The following SEMA3A variants were observed in gnomAD, a reference collection of about 807,000 sequenced individuals.
The protein encoded by SEMA3A is semaphorin-3A.
A neutral mutation model predicts 97.9 loss-of-function variants in SEMA3A; 29 were observed. That is an observed-to-expected ratio of 0.30 (90% confidence interval 0.22 to 0.40). SEMA3A has a LOEUF of 0.40. Ranked by LOEUF, SEMA3A falls within the 10% of genes least tolerant of loss-of-function variation. The probability of loss-of-function intolerance (pLI) is 1.00; values close to 1 mark genes in which losing one functional copy is unlikely to be tolerated. For missense variants in SEMA3A, 763 were observed against 951.3 expected (o/e 0.80, Z 2.60); for synonymous variants, 321 against 323.7 (o/e 0.99, Z 0.09).
intron 1 of SEMA3A, among the ~76,000 whole-genome samples, chr7:84,170,674 T>C (rs892389907): frequency 1.3e-5 from 2 of 152,022 alleles, no homozygotes; most frequent in Non-Finnish European, 2.9e-5. Flanking sequence ...TCTCTGAGAA[T>C]GTTTTCAGAT....
intron 3 of SEMA3A, among the ~76,000 whole-genome samples, chr7:84,128,575 C>T (rs1376601717): frequency 6.6e-6 from 1 of 152,106 alleles, no homozygotes; most frequent in Admixed American, 6.6e-5. Flanking sequence ...TTTTTACATA[C>T]ATTCTATACA....
Position 84,046,377 on chromosome 7 carries a change from A to G in SEMA3A, c.614T>C (p.Leu205Pro). The G allele has an allele frequency of 6.2e-7, 1 of 1,613,290 alleles. No individual in the cohort carries two copies. Among genetic ancestry groups the G allele is most frequent in the Non-Finnish European group, 8.5e-7 (1 of 1,179,442 alleles). The change falls in exon 6 of 17, where the codon CTT becomes CCT. Residue 205 changes from leucine to proline, a missense_variant. Coordinates refer to ENST00000265362, the MANE Select transcript of SEMA3A (RefSeq NM_006080.3). ...TGTCCTGATTGGGTGGTGGTGCCCA[A>G]GAGTTCGGAAGATAGCAAAGTCTCG... ...MGRDFAIFRTLGHHHPIRTEQ... is the reference protein window; with the variant it reads ...MGRDFAIFRTPGHHHPIRTEQ...
intron 3 of SEMA3A, among the ~76,000 whole-genome samples, chr7:84,113,761 G>T (rs1388151533): frequency 6.6e-6 from 1 of 152,090 alleles, no homozygotes; most frequent in Admixed American, 6.6e-5. Flanking sequence ...TTATTTTACT[G>T]AAATGTTCCC....
At chr7:84,421,588 T>C (rs933424857) in intron 1 of SEMA3A, among the ~76,000 whole-genome samples, 1 of 152,122 alleles carries the variant, frequency 6.6e-6, no homozygotes, top group Non-Finnish European at 1.5e-5. Flanking sequence ...CATCGTTGTC[T>C]TGTGCTGGGT....
intron 1 of SEMA3A, among the ~76,000 whole-genome samples, chr7:84,407,089 T>C (rs1335617469): frequency 5.3e-5 from 8 of 152,080 alleles, no homozygotes; most frequent in Non-Finnish European, 2.9e-5. Context: ...GGTATTCAAT[T>C]AGGAAAAGAG....
intron 3 of SEMA3A, among the ~76,000 whole-genome samples, chr7:84,277,805 G>C (rs370804249): frequency 1.3e-5 from 2 of 152,058 alleles, no homozygotes; most frequent in East Asian, 3.9e-4. Flanking sequence ...TGATGAGACT[G>C]GCTGCTGCAC....
At chr7:84,355,962 G>A (rs1475008785) in intron 2 of SEMA3A, among the ~76,000 whole-genome samples, 2 of 151,698 alleles carry the variant, frequency 1.3e-5, no homozygotes, top group African/African-American at 2.4e-5. Context: ...TGGAAATATC[G>A]TATACTGAAA....
intron 4 of SEMA3A, among the ~76,000 whole-genome samples, chr7:84,062,661 C>G (rs532744843): frequency 6.6e-6 from 1 of 152,124 alleles, no homozygotes; most frequent in East Asian, 1.9e-4. Flanking sequence ...GGGTGACAGA[C>G]GGCACCTGGA....
chr7:84,397,497 A>T (rs1803768973), intron 1 of SEMA3A, among the ~76,000 whole-genome samples: 1 of 148,674 alleles, frequency 6.7e-6, no homozygotes, highest in South Asian at 2.1e-4. Context: ...TATACAATAC[A>T]TGTTATATAT....
chr7:84,121,560 A>G (rs1158446216), intron 3 of SEMA3A, among the ~76,000 whole-genome samples: 2 of 146,906 alleles, frequency 1.4e-5, no homozygotes, highest in East Asian at 4.1e-4. Context: ...TTTTGGCTGC[A>G]TAGTATTCCA....
At chr7:84,201,513 C>A (rs573666915) in intron 3 of SEMA3A, among the ~76,000 whole-genome samples, 4 of 152,022 alleles carry the variant, frequency 2.6e-5, no homozygotes, top group Non-Finnish European at 5.9e-5. Flanking sequence ...TCCCCGCCCC[C>A]CAATGTGTAG....
At chr7:84,168,651 T>C (rs1369535229) in intron 1 of SEMA3A, among the ~76,000 whole-genome samples, 1 of 151,906 alleles carries the variant, frequency 6.6e-6, no homozygotes, top group East Asian at 1.9e-4. Flanking sequence ...ATGATGCCTA[T>C]CTAGTTATGA....
intron 9 of SEMA3A, among the ~76,000 whole-genome samples, chr7:84,009,528 G>T (rs1372269158): frequency 3.9e-5 from 6 of 152,100 alleles, no homozygotes; most frequent in African/African-American, 7.2e-5. Context: ...AAAGTTACTT[G>T]CAGTACTTTT....
intron 6 of SEMA3A, among the ~76,000 whole-genome samples, chr7:84,038,392 T>G (rs1020200910): frequency 2.6e-5 from 4 of 152,176 alleles, no homozygotes; most frequent in African/African-American, 9.6e-5. Context: ...TTACACAATA[T>G]TAAGACAACA....
At chr7:84,063,659 A>G (rs1165372283) in intron 4 of SEMA3A, among the ~76,000 whole-genome samples, 1 of 151,680 alleles carries the variant, frequency 6.6e-6, no homozygotes, top group Non-Finnish European at 1.5e-5. Flanking sequence ...AACTGGAAGA[A>G]AGGGTATCAG....
chr7:84,280,674 C>G (rs1800419583), intron 3 of SEMA3A, among the ~76,000 whole-genome samples: 1 of 151,940 alleles, frequency 6.6e-6, no homozygotes, highest in African/African-American at 2.4e-5. Flanking sequence ...ATCCTAGGTA[C>G]AGGGGAGGCT....
chr7:84,431,778 A>G (rs754036919), intron 1 of SEMA3A, among the ~76,000 whole-genome samples: 13 of 152,066 alleles, frequency 8.5e-5, no homozygotes, highest in Non-Finnish European at 1.8e-4. Context: ...ATCAACATTT[A>G]CATTACAAAG....
At chr7:84,174,118 C>T (rs577074335) in intron 1 of SEMA3A, among the ~76,000 whole-genome samples, 1 of 152,042 alleles carries the variant, frequency 6.6e-6, no homozygotes, top group South Asian at 2.1e-4. Flanking sequence ...TAAGCTGCAT[C>T]TGGTGGCAGG....
At chr7:84,180,084 T>C (rs1305681549) in intron 1 of SEMA3A, among the ~76,000 whole-genome samples, 1 of 150,400 alleles carries the variant, frequency 6.6e-6, no homozygotes, top group African/African-American at 2.5e-5. Context: ...GTAGCTGGGA[T>C]TACAGGCATG....
Sources: allele counts gnomAD v4.1 joint callset (sites outside exome capture counted in the v4.1 genomes callset), GRCh38; gene constraint gnomAD v4.1.1; transcripts MANE v1.5; gene names NCBI Gene and HGNC (gene_info 2026-07-23, HGNC 2026-07-21).